AFF3: variants seen among roughly 807,000 people sequenced by gnomAD.
AFF3 encodes the protein AF4/FMR2 family member 3.
Under a neutral mutation model 129.7 loss-of-function variants are expected in AFF3, and 32 were observed. The observed-to-expected ratio is 0.25, with a 90% CI of 0.19 to 0.33. The LOEUF is 0.33. AFF3 is among the 10% of genes least tolerant of loss of function. AFF3 has a pLI of 1.00. For synonymous variants in AFF3, 644 were observed against 635.4 expected (o/e 1.01, Z -0.20); for missense variants, 1,373 against 1,592.0 (o/e 0.86, Z 2.34).
intron 13 of AFF3, among the ~76,000 whole-genome samples, chr2:99,602,108 C>T (rs555109048): frequency 5.9e-5 from 9 of 152,306 alleles, no homozygotes; most frequent in East Asian, 5.8e-4. Context: ...AGGAAGGGCA[C>T]GGCGTTCTGC....
chr2:99,845,896 G>A (rs537212275), intron 7 of AFF3, among the ~76,000 whole-genome samples: 1 of 152,150 alleles, frequency 6.6e-6, no homozygotes, highest in African/African-American at 2.4e-5. Context: ...GCAGTGGTGC[G>A]ATCTCAGCTC....
intron 4 of AFF3, among the ~76,000 whole-genome samples, chr2:100,010,050 T>C (rs1401232940): frequency 6.6e-6 from 1 of 152,008 alleles, no homozygotes. Context: ...ATCAGCGACA[T>C]GGGGATGGAA....
At chr2:99,724,290 T>TTTTTTTTTTTTTTTTTTA (rs1679176674) in intron 11 of AFF3, among the ~76,000 whole-genome samples, 1 of 145,554 alleles carries the variant, frequency 6.9e-6, no homozygotes, top group South Asian at 2.3e-4. Flanking sequence ...TTTTTTTTTT[T>TTTTTTTTTTTTTTTTTTA]GAGACACAGT....
At position 99,594,085 on chromosome 2, in the gene AFF3, T is replaced by C. The variant is rs774710441; in HGVS notation, c.1576A>G (p.Thr526Ala). Residue 526 changes from threonine to alanine, a missense_variant, in exon 15 of 25, where the codon ACT becomes GCT. Thr to Ala is a moderately conservative substitution (Grantham distance 58, BLOSUM62 0). Transcript: ENST00000672756. ...PSLREKEIKS[T>A]CKEEQRPRTA... is the part of the protein sequence containing the mutation. ...CTTGGCCTTTGCTCCTCCTTGCAAG[T>C]GCTCTTGATCTCCTTCTCTCTCAGG... The C allele has an allele frequency of 6.2e-7, 1 of 1,613,976 alleles. No individual in the cohort carries two copies. The highest frequency in any genetic ancestry group is 8.5e-7 in the Non-Finnish European group (1 of 1,179,950).
chr2:100,070,175 G>T (rs1390444497), intron 4 of AFF3, among the ~76,000 whole-genome samples: 1 of 151,170 alleles, frequency 6.6e-6, no homozygotes, highest in Non-Finnish European at 1.5e-5. Flanking sequence ...ATTCCTAGTT[G>T]CAAGTTATTA....
chr2:99,838,691 G>A (rs1275398897), intron 7 of AFF3, among the ~76,000 whole-genome samples: 5 of 152,138 alleles, frequency 3.3e-5, no homozygotes, highest in South Asian at 2.1e-4. Flanking sequence ...TTCCAGCACC[G>A]TGCTCCACAC....
intron 8 of AFF3, among the ~76,000 whole-genome samples, chr2:99,834,146 T>C (rs1688693656): frequency 6.6e-6 from 1 of 152,132 alleles, no homozygotes; most frequent in Non-Finnish European, 1.5e-5. Context: ...CCATTCACAA[T>C]GAATTGCCTG....
intron 4 of AFF3, among the ~76,000 whole-genome samples, chr2:100,015,923 G>A (rs1302915071): frequency 6.6e-6 from 1 of 152,124 alleles, no homozygotes; most frequent in African/African-American, 2.4e-5. Context: ...GGTAGTGATG[G>A]TGATGATGGT....
At chr2:100,081,770 C>A (rs1231104685) in intron 4 of AFF3, among the ~76,000 whole-genome samples, 2 of 152,208 alleles carry the variant, frequency 1.3e-5, no homozygotes, top group African/African-American at 2.4e-5. Flanking sequence ...TGTGAAAATT[C>A]ATTTAATTCT....
intron 7 of AFF3, among the ~76,000 whole-genome samples, chr2:99,877,958 T>C (rs1253402467): frequency 6.6e-6 from 1 of 152,114 alleles, no homozygotes; most frequent in Non-Finnish European, 1.5e-5. Flanking sequence ...ACACATCAAA[T>C]CAAATCACTC....
At chr2:100,074,634 T>A (rs571227416) in intron 4 of AFF3, among the ~76,000 whole-genome samples, 1 of 152,342 alleles carries the variant, frequency 6.6e-6, no homozygotes, top group South Asian at 2.1e-4. Flanking sequence ...AGGGCTTTTA[T>A]CTCATTTTAC....
At chr2:99,753,080 T>A (rs1681797797) in intron 8 of AFF3, among the ~76,000 whole-genome samples, 1 of 152,156 alleles carries the variant, frequency 6.6e-6, no homozygotes, top group Non-Finnish European at 1.5e-5. Flanking sequence ...GTTTACGAAT[T>A]AGATGTGAAC....
At chr2:99,897,175 T>G (rs1332820797) in intron 7 of AFF3, among the ~76,000 whole-genome samples, 3 of 152,226 alleles carry the variant, frequency 2.0e-5, no homozygotes, top group Admixed American at 6.5e-5. Flanking sequence ...TCAACTAATT[T>G]ACCATAATTA....
chr2:99,578,909 C>G (rs1356898153), intron 17 of AFF3, among the ~76,000 whole-genome samples: 2 of 152,190 alleles, frequency 1.3e-5, no homozygotes, highest in Non-Finnish European at 2.9e-5. Flanking sequence ...TTCAGCAGGG[C>G]TGGGGTGGGG....
chr2:99,604,313 TC>T (rs1680126559), intron 13 of AFF3, among the ~76,000 whole-genome samples: 1 of 152,126 alleles, frequency 6.6e-6, no homozygotes, highest in African/African-American at 2.4e-5. Flanking sequence ...AAAGATTATG[TC>T]CTTTGCAGGG....
chr2:99,810,898 C>A (rs535411915), intron 8 of AFF3, among the ~76,000 whole-genome samples: 1 of 152,176 alleles, frequency 6.6e-6, no homozygotes, highest in Non-Finnish European at 1.5e-5. Flanking sequence ...GCCAGCGACA[C>A]TGGACAAGTC....
intron 10 of AFF3, among the ~76,000 whole-genome samples, chr2:99,739,809 T>C (rs913033710): frequency 1.3e-5 from 2 of 152,072 alleles, no homozygotes; most frequent in African/African-American, 2.4e-5. Flanking sequence ...TTTTTTTTAA[T>C]TTTTATTTTA....
intron 7 of AFF3, among the ~76,000 whole-genome samples, chr2:99,939,439 G>C (rs776123417): frequency 2.1e-3 from 326 of 152,296 alleles, no homozygotes; most frequent in Non-Finnish European, 3.4e-3. Context: ...GTTCTCTGAT[G>C]CAGGAGAGAA....
intron 2 of AFF3, among the ~76,000 whole-genome samples, chr2:100,128,393 C>A (rs1692289334): frequency 6.6e-6 from 1 of 152,180 alleles, no homozygotes; most frequent in Non-Finnish European, 1.5e-5. Flanking sequence ...CCCTAGTTCT[C>A]TCTCTTTCCT....
Sources: allele counts gnomAD v4.1 joint callset (sites outside exome capture counted in the v4.1 genomes callset), GRCh38; gene constraint gnomAD v4.1.1; transcripts MANE v1.5; gene names NCBI Gene and HGNC (gene_info 2026-07-23, HGNC 2026-07-21).